The following FBXL17 variants were observed in gnomAD, a reference collection of about 807,000 sequenced individuals.
FBXL17 encodes the protein F-box/LRR-repeat protein 17.
FBXL17 carries 22 observed loss-of-function variants against 66.2 expected under a neutral mutation model. The observed-to-expected ratio is 0.33, with a 90% CI of 0.24 to 0.47. The LOEUF (loss-of-function observed/expected upper bound fraction) is 0.47. FBXL17 is among the 20% of genes least tolerant of loss of function. The pLI is 1.00. For missense variants in FBXL17, 878 were observed against 948.2 expected (o/e 0.93, Z 0.97); for synonymous variants, 474 against 400.5 (o/e 1.18, Z -2.19).
At chr5:108,041,548 C>G (rs1424242828) in intron 6 of FBXL17, among the ~76,000 whole-genome samples, 1 of 152,062 alleles carries the variant, frequency 6.6e-6, no homozygotes, top group Non-Finnish European at 1.5e-5. Context: ...TCCCAAGCAG[C>G]TAAGACTACA....
intron 5 of FBXL17, among the ~76,000 whole-genome samples, chr5:108,221,804 G>C (rs959751048): frequency 9.2e-5 from 14 of 152,074 alleles, no homozygotes; most frequent in African/African-American, 3.4e-4. Flanking sequence ...TAAAAACTGA[G>C]TCTACCCTTG....
intron 6 of FBXL17, among the ~76,000 whole-genome samples, chr5:108,133,333 C>T (rs2149978627): frequency 6.6e-6 from 1 of 151,962 alleles, no homozygotes; most frequent in Middle Eastern, 3.4e-3. Flanking sequence ...GGAGAAGTGG[C>T]CATGAATGAG....
chr5:108,240,440 T>C (rs1273036739), intron 4 of FBXL17, among the ~76,000 whole-genome samples: 1 of 151,964 alleles, frequency 6.6e-6, no homozygotes, highest in Non-Finnish European at 1.5e-5. Flanking sequence ...TGTGGGCCTG[T>C]GGTAGTGGTG....
intron 8 of FBXL17, among the ~76,000 whole-genome samples, chr5:107,866,619 A>G (rs1002620017): frequency 2.6e-5 from 4 of 152,218 alleles, no homozygotes; most frequent in African/African-American, 9.7e-5. Context: ...AGTTCCAGAT[A>G]AGTGTAAACC....
intron 4 of FBXL17, among the ~76,000 whole-genome samples, chr5:108,325,058 T>C (rs925991474): frequency 2.6e-5 from 4 of 152,002 alleles, no homozygotes; most frequent in Non-Finnish European, 2.9e-5. Flanking sequence ...AAGCAGTGTA[T>C]TGTTGTTTAA....
intron 6 of FBXL17, among the ~76,000 whole-genome samples, chr5:108,093,135 C>T (rs906926123): frequency 1.3e-5 from 2 of 151,994 alleles, no homozygotes; most frequent in Non-Finnish European, 1.5e-5. Context: ...AGCACCCTTC[C>T]AGAGAATATA....
intron 4 of FBXL17, among the ~76,000 whole-genome samples, chr5:108,326,117 T>C (rs1759836279): frequency 6.6e-6 from 1 of 152,084 alleles, no homozygotes; most frequent in Admixed American, 6.6e-5. Flanking sequence ...CCAAAAGCCC[T>C]TACCATTAAT....
intron 7 of FBXL17, among the ~76,000 whole-genome samples, chr5:107,931,206 T>A (rs1376637175): frequency 6.6e-6 from 1 of 151,956 alleles, no homozygotes; most frequent in Non-Finnish European, 1.5e-5. Flanking sequence ...AGGAAACACA[T>A]AAGAAGTCAA....
intron 1 of FBXL17, among the ~76,000 whole-genome samples, chr5:108,369,692 G>A (rs963294612): frequency 6.6e-5 from 10 of 151,418 alleles, no homozygotes; most frequent in Non-Finnish European, 1.3e-4. Context: ...AGATGGTTAG[G>A]GTCAGGATGA....
chr5:107,941,150 G>A (rs887315952), intron 7 of FBXL17, among the ~76,000 whole-genome samples: 8 of 151,158 alleles, frequency 5.3e-5, no homozygotes, highest in East Asian at 1.9e-4. Flanking sequence ...TTTTTTCTGC[G>A]ATTACATTTC....
chr5:107,972,263 T>C (rs941644047), intron 7 of FBXL17, among the ~76,000 whole-genome samples: 1 of 152,252 alleles, frequency 6.6e-6, no homozygotes, highest in African/African-American at 2.4e-5. Flanking sequence ...AAATTGTATG[T>C]TGAATTTATC....
chr5:108,000,756 T>C (rs1014639976), intron 7 of FBXL17, among the ~76,000 whole-genome samples: 54 of 152,342 alleles, frequency 3.5e-4, no homozygotes, highest in African/African-American at 1.3e-3. Flanking sequence ...TGCATTAATG[T>C]TAAATGATTG....
intron 5 of FBXL17, among the ~76,000 whole-genome samples, chr5:108,211,961 C>T (rs1016163160): frequency 6.6e-6 from 1 of 152,150 alleles, no homozygotes; most frequent in Admixed American, 6.5e-5. Context: ...CCTTCAGGTA[C>T]ATCAATCAAA....
At chr5:107,957,966 C>T (rs747829478) in intron 7 of FBXL17, among the ~76,000 whole-genome samples, 2 of 152,082 alleles carry the variant, frequency 1.3e-5, no homozygotes. Context: ...CTGGCCGAAG[C>T]ATTCTGTGCA....
intron 7 of FBXL17, among the ~76,000 whole-genome samples, chr5:108,010,407 T>C (rs1370321104): frequency 6.6e-6 from 1 of 152,170 alleles, no homozygotes; most frequent in Admixed American, 6.6e-5. Flanking sequence ...GAGTATTGGG[T>C]ACAAGAAACT....
At chr5:108,348,020 C>G (rs2112473332) in intron 4 of FBXL17, among the ~76,000 whole-genome samples, 1 of 152,008 alleles carries the variant, frequency 6.6e-6, no homozygotes, top group South Asian at 2.1e-4. Context: ...TTTTTCTGGA[C>G]AATAAAAAAA....
At chr5:108,066,523 A>G (rs2112854238) in intron 6 of FBXL17, among the ~76,000 whole-genome samples, 1 of 152,096 alleles carries the variant, frequency 6.6e-6, no homozygotes, top group Admixed American at 6.5e-5. Context: ...GAACTATAAC[A>G]CTATCTCTTT....
intron 6 of FBXL17, among the ~76,000 whole-genome samples, chr5:108,129,686 T>C (rs1750854588): frequency 6.6e-6 from 1 of 151,892 alleles, no homozygotes; most frequent in Admixed American, 6.6e-5. Context: ...CCTGAGAATA[T>C]ATCAAATTGC....
At chr5:108,354,117 AT>A (rs1747810940) in intron 3 of FBXL17, among the ~76,000 whole-genome samples, 1 of 152,184 alleles carries the variant, frequency 6.6e-6, no homozygotes, top group South Asian at 2.1e-4. Context: ...AACATACTGG[AT>A]TTTGGAACTT....
Sources: allele counts gnomAD v4.1 joint callset (sites outside exome capture counted in the v4.1 genomes callset), GRCh38; gene constraint gnomAD v4.1.1; transcripts MANE v1.5; gene names NCBI Gene and HGNC (gene_info 2026-07-23, HGNC 2026-07-21).